The following DHRS7C variants were observed in gnomAD, a reference collection of about 807,000 sequenced individuals.
DHRS7C encodes dehydrogenase/reductase 7C.
Under a neutral mutation model 29.6 loss-of-function variants are expected in DHRS7C, and 28 were observed. That is an observed-to-expected ratio of 0.95 (90% confidence interval 0.70 to 1.30). The LOEUF is 1.30. Ranked by LOEUF, DHRS7C falls within the 50% of genes most tolerant of loss-of-function variation. DHRS7C has a pLI of 0.00. For missense variants in DHRS7C, 403 were observed against 393.3 expected, an observed-to-expected ratio of 1.02 and a Z score of -0.21; for synonymous variants, 158 against 160.2, an observed-to-expected ratio of 0.99 and a Z score of 0.10.
At chr17:9,788,800 C>A (rs1331258126) in intron 1 of DHRS7C, among the ~76,000 whole-genome samples, 2 of 152,224 alleles carry the variant, frequency 1.3e-5, no homozygotes, top group Non-Finnish European at 2.9e-5. Flanking sequence ...CTGCCGTCAG[C>A]AGCGTGGAGA....
At chr17:9,783,235 G>C (rs1045303200) in intron 1 of DHRS7C, among the ~76,000 whole-genome samples, 31 of 152,212 alleles carry the variant, frequency 2.0e-4, no homozygotes, top group Non-Finnish European at 3.7e-4. Context: ...CCCGAATCCA[G>C]AAGTAACTGG....
At chr17:9,780,176 A>G in intron 2 of DHRS7C, 141 bp from the exon 3 acceptor site, 1 of 776,722 alleles carries the variant, frequency 1.3e-6, no homozygotes, top group South Asian at 1.9e-5. Context: ...ACGAAGAAGC[A>G]GAGATGATTC....
intron 1 of DHRS7C, among the ~76,000 whole-genome samples, chr17:9,784,839 A>G (rs891580309): frequency 5.3e-5 from 8 of 152,352 alleles, no homozygotes; most frequent in African/African-American, 1.7e-4. Flanking sequence ...GTGAATAACA[A>G]TTTTGAAGCC....
At position 9,771,670 on chromosome 17, in the gene DHRS7C, C is replaced by G; in HGVS notation, c.754G>C (p.Val252Leu). ...KFFFRKLTYG[V>L]HPVEVAEEVM... ...TCCTCCGCCACCTCTACTGGGTGCA[C>G]GCCGTAGGTCAGCTTCCTGAAAAAG... is the stretch of plus-strand genomic sequence containing the variant. Residue 252 changes from valine to leucine, a missense_variant, in exon 6 of 6, where the codon GTG becomes CTG. Val to Leu is a conservative substitution (Grantham distance 32). Coordinates refer to ENST00000571134, the MANE Select transcript of DHRS7C (RefSeq NM_001105571.3). 1 of 1,526,236 alleles carries G rather than the reference C, an allele frequency of 6.6e-7. No individual in the cohort carries two copies. Among genetic ancestry groups the G allele is most frequent in the Non-Finnish European group, 8.8e-7 (1 of 1,132,578 alleles). The allele number at this position is 1,526,236 out of a possible 1,614,324, so 94.5% of individuals were successfully genotyped here.
chr17:9,780,499 A>G (rs1309750841), intron 2 of DHRS7C, among the ~76,000 whole-genome samples: 2 of 152,220 alleles, frequency 1.3e-5, no homozygotes, highest in Non-Finnish European at 2.9e-5. Context: ...ACTCAACACA[A>G]TATTTTTGAA....
intron 1 of DHRS7C, among the ~76,000 whole-genome samples, chr17:9,783,984 C>A (rs2066408459): frequency 6.8e-6 from 1 of 147,266 alleles, no homozygotes; most frequent in Non-Finnish European, 1.5e-5. Context: ...TATTTGAATA[C>A]CTATCTGGGA....
At chr17:9,772,187 T>C (rs1053170975) in intron 5 of DHRS7C, among the ~76,000 whole-genome samples, 4 of 152,304 alleles carry the variant, frequency 2.6e-5, no homozygotes, top group Admixed American at 2.0e-4. Flanking sequence ...CACTGATTGA[T>C]AGAGGGGCTG....
intron 1 of DHRS7C, among the ~76,000 whole-genome samples, chr17:9,785,935 G>T (rs2066420652): frequency 6.6e-6 from 1 of 152,112 alleles, no homozygotes; most frequent in African/African-American, 2.4e-5. Context: ...CAATGAAAAT[G>T]GACATGTTAT....
intron 3 of DHRS7C, 80 bp from the exon 4 acceptor site, chr17:9,777,365 T>G: frequency 8.6e-7 from 1 of 1,163,478 alleles, no homozygotes; most frequent in Non-Finnish European, 1.2e-6. Context: ...CTGCCCCCGG[T>G]ACCCTCATCA....
chr17:9,781,066 C>G (rs1471715245), intron 2 of DHRS7C, among the ~76,000 whole-genome samples: 2 of 152,112 alleles, frequency 1.3e-5, no homozygotes, highest in African/African-American at 4.8e-5. Context: ...GAAACTGCAG[C>G]CTTTTTGAAA....
rs141699720 is a variant in DHRS7C at position 9,784,585 on chromosome 17, T to A, written c.155-2991A>T. Among the ~76,000 whole-genome samples, 541 of 152,286 alleles carry A rather than the reference T, an allele frequency of 3.6e-3. 5 individuals are homozygous for A. Among genetic ancestry groups the A allele is most frequent in the African/African-American group, 0.012 (507 of 41,564 alleles). Reference sequence around the variant, plus strand: ...TTAGAAAAAGTGTTTATAATCTATATGTCAGAAAAGGGTTAATTTGATATG... The same window carrying A: ...TTAGAAAAAGTGTTTATAATCTATAAGTCAGAAAAGGGTTAATTTGATATG... On this transcript the variant is annotated intron_variant, in intron 1 of 5. Coordinates refer to ENST00000571134, the MANE Select transcript of DHRS7C (RefSeq NM_001105571.3).
intron 1 of DHRS7C, among the ~76,000 whole-genome samples, chr17:9,784,030 C>A (rs1292903231): frequency 2.7e-5 from 4 of 150,314 alleles, no homozygotes; most frequent in East Asian, 1.9e-4. Context: ...CCAAAATATA[C>A]TAAGTAGTGA....
At chr17:9,780,153 A>G in intron 2 of DHRS7C, 118 bp from the exon 3 acceptor site, 2 of 581,574 alleles carry the variant, frequency 3.4e-6, no homozygotes, top group African/African-American at 2.0e-5. Flanking sequence ...AAATGACTGA[A>G]AAAAAAAAAA....
intron 4 of DHRS7C, among the ~76,000 whole-genome samples, chr17:9,773,993 G>A (rs2066347059): frequency 6.6e-6 from 1 of 152,150 alleles, no homozygotes; most frequent in Admixed American, 6.5e-5. Flanking sequence ...AAAGTGCTGG[G>A]ATTACAGGCG....
chr17:9,776,156 C>T (rs111346745), intron 4 of DHRS7C, among the ~76,000 whole-genome samples: 17,743 of 152,146 alleles, frequency 0.12, 1,385 homozygotes, highest in Non-Finnish European at 0.18. Flanking sequence ...TGAGCCAAGA[C>T]CTTGCCATTG....
In DHRS7C at chr17:9,771,461, A is replaced by T. The variant is rs376081458; in HGVS notation, c.*27T>A. On this transcript the variant is annotated 3_prime_UTR_variant, in exon 6 of 6. Coordinates refer to ENST00000571134, the MANE Select transcript of DHRS7C (RefSeq NM_001105571.3). The stretch of plus-strand genomic sequence containing the variant: ...CCTGCCAGAAAAACCTTTATTTCCA[A>T]GGGGTGGCCCATTTGGCCTCCTGCA... 6.7e-5 allele frequency: 98 copies of T among 1,454,834 alleles called. No homozygotes were observed. In the African/African-American group the frequency reaches 1.3e-3, roughly 19 times the overall value. 90.1% of individuals were successfully genotyped at this position (1,454,834 alleles called of 1,614,324 possible).
intron 3 of DHRS7C, among the ~76,000 whole-genome samples, chr17:9,778,711 T>G (rs369895166): frequency 6.6e-6 from 1 of 152,284 alleles, no homozygotes; most frequent in African/African-American, 2.4e-5. Flanking sequence ...AATGCGTCTT[T>G]CTCTTCATCT....
chr17:9,776,969 C>T (rs1419383379), intron 4 of DHRS7C, among the ~76,000 whole-genome samples: 2 of 152,122 alleles, frequency 1.3e-5, no homozygotes, highest in Non-Finnish European at 2.9e-5. Context: ...GCTTCGCGGA[C>T]AGAAGGAGCG....
chr17:9,776,668 T>TC (rs2066364233), intron 4 of DHRS7C, among the ~76,000 whole-genome samples: 1 of 152,080 alleles, frequency 6.6e-6, no homozygotes, highest in South Asian at 2.1e-4. Context: ...GGAGTCCTTC[T>TC]CCCCCTTGAA....
Sources: allele counts gnomAD v4.1 joint callset (sites outside exome capture counted in the v4.1 genomes callset), GRCh38; gene constraint gnomAD v4.1.1; transcripts MANE v1.5; gene names NCBI Gene and HGNC (gene_info 2026-07-23, HGNC 2026-07-21).